PTPN3: variants seen among roughly 807,000 people sequenced by gnomAD.
The protein encoded by PTPN3 is tyrosine-protein phosphatase non-receptor type 3.
Under a neutral mutation model 132.7 loss-of-function variants are expected in PTPN3, and 96 were observed. The observed-to-expected ratio is 0.72, with a 90% CI of 0.61 to 0.86. The LOEUF (loss-of-function observed/expected upper bound fraction) is 0.86, where lower values mean the gene tolerates loss of function less well. PTPN3 is among the 40% of genes least tolerant of loss of function. The probability of loss-of-function intolerance (pLI) is 0.00; values close to 1 mark genes in which losing one functional copy is unlikely to be tolerated. For synonymous variants in PTPN3, 398 were observed against 429.0 expected, an observed-to-expected ratio of 0.93 and a Z score of 0.89; for missense variants, 1,125 against 1,159.6, an observed-to-expected ratio of 0.97 and a Z score of 0.43.
At chr9:109,390,342 C>T (rs960791310) in intron 21 of PTPN3, among the ~76,000 whole-genome samples, 8 of 152,176 alleles carry the variant, frequency 5.3e-5, no homozygotes, top group Non-Finnish European at 1.2e-4. Context: ...CACGTATCGC[C>T]TGAAGGCCAA....
upstream of PTPN3, among the ~76,000 whole-genome samples, chr9:109,501,627 C>G (rs1376282389): frequency 1.3e-5 from 2 of 152,134 alleles, no homozygotes; most frequent in African/African-American, 4.8e-5. Context: ...GCTCCCAAAC[C>G]TTACGTAAAT....
intron 25 of PTPN3, 51 bp from the exon 26 acceptor site, chr9:109,379,684 C>T: frequency 1.4e-6 from 2 of 1,448,248 alleles, no homozygotes. Flanking sequence ...GAAATGCTGC[C>T]TACCACACCC....
intron 1 of PTPN3, among the ~76,000 whole-genome samples, chr9:109,486,180 G>A (rs1847197225): frequency 6.6e-6 from 1 of 152,180 alleles, no homozygotes; most frequent in Admixed American, 6.5e-5. Context: ...ACAGGACCCA[G>A]CCCAAACCTG....
the PTPN3 span, among the ~76,000 whole-genome samples, chr9:109,536,396 C>T: frequency 0.33 from 50,559 of 152,140 alleles, 9,106 homozygotes; most frequent in Middle Eastern, 0.45. Context: ...ACAGTAATTC[C>T]GTTTCACATT....
At chr9:109,460,511 G>A (rs2132039574) in intron 2 of PTPN3, among the ~76,000 whole-genome samples, 1 of 151,762 alleles carries the variant, frequency 6.6e-6, no homozygotes, top group South Asian at 2.1e-4. Flanking sequence ...TTATCTCTCT[G>A]AGCTTATCTT....
At chr9:109,492,756 G>C (rs1847519316) in intron 1 of PTPN3, among the ~76,000 whole-genome samples, 1 of 152,194 alleles carries the variant, frequency 6.6e-6, no homozygotes, top group Non-Finnish European at 1.5e-5. Flanking sequence ...TGCTAAAACT[G>C]CCTGTTATAA....
chr9:109,433,273 G>A (rs1383066159), intron 9 of PTPN3, 112 bp from the exon 10 acceptor site: 1 of 1,424,606 alleles, frequency 7.0e-7, no homozygotes, highest in Non-Finnish European at 9.2e-7. Flanking sequence ...GGCTCCAAAT[G>A]GGAAAATGCT....
intron 1 of PTPN3, among the ~76,000 whole-genome samples, chr9:109,492,705 C>T (rs1847516885): frequency 6.6e-6 from 1 of 152,224 alleles, no homozygotes; most frequent in Non-Finnish European, 1.5e-5. Context: ...ACTCAGGGCA[C>T]ATAACATTGC....
chr9:109,458,466 C>T (rs929563983), intron 2 of PTPN3, among the ~76,000 whole-genome samples: 6 of 152,082 alleles, frequency 3.9e-5, no homozygotes, highest in South Asian at 2.1e-4. Flanking sequence ...AGAAATAGAC[C>T]GTGTATAGAA....
chr9:109,434,482 T>C (rs138637631), intron 9 of PTPN3, among the ~76,000 whole-genome samples: 1,927 of 152,020 alleles, frequency 0.013, 14 homozygotes, highest in Non-Finnish European at 0.019. Flanking sequence ...TAATTTTTCA[T>C]ATTTTTGTAG....
At chr9:109,461,784 C>A (rs1845854028) in intron 2 of PTPN3, among the ~76,000 whole-genome samples, 3 of 151,758 alleles carry the variant, frequency 2.0e-5, no homozygotes, top group Admixed American at 2.0e-4. Context: ...ATTAGTTATT[C>A]AGGTATATTT....
At position 109,445,310 on chromosome 9, in the gene PTPN3, T is replaced by A; in HGVS notation, c.414-18A>T. 6.2e-7 allele frequency: 1 copy of A among 1,608,354 alleles called. No individual in the cohort carries two copies. Among genetic ancestry groups the A allele is most frequent in the Non-Finnish European group, 8.5e-7 (1 of 1,174,806 alleles). On this transcript the variant is annotated intron_variant, in intron 6 of 25. Transcript: ENST00000374541. ...AGGTTAACCTGTCAGGAGAAAAACA[T>A]ATTAGCAAAGTCACAAGAACCAACA...
At chr9:109,426,194 C>T (rs2418006) in intron 12 of PTPN3, among the ~76,000 whole-genome samples, 127,514 of 149,788 alleles carry the variant, frequency 0.85, 54,621 homozygotes, top group African/African-American at 0.95. Context: ...AATGTATATA[C>T]GAATTATATA....
intron 1 of PTPN3, among the ~76,000 whole-genome samples, chr9:109,484,849 C>G (rs1231673349): frequency 6.6e-6 from 1 of 152,204 alleles, no homozygotes. Context: ...TCTATGACCC[C>G]CCATCCTGCG....
intron 25 of PTPN3, 87 bp from the exon 26 acceptor site, chr9:109,379,720 T>A: frequency 8.8e-7 from 1 of 1,140,026 alleles, no homozygotes; most frequent in East Asian, 2.4e-5. Flanking sequence ...TTTGCAGCAT[T>A]TGTAAATATT....
chr9:109,421,319 C>G (rs1235316887), intron 13 of PTPN3, among the ~76,000 whole-genome samples: 8 of 152,260 alleles, frequency 5.3e-5, no homozygotes, highest in Admixed American at 5.2e-4. Flanking sequence ...GCGGGGGATC[C>G]CAAGCTGCCA....
chr9:109,518,202 T>C, the PTPN3 span, among the ~76,000 whole-genome samples: 1 of 152,218 alleles, frequency 6.6e-6, no homozygotes, highest in East Asian at 1.9e-4. Flanking sequence ...AAACATTGAC[T>C]GGAAAGAGTC....
At chr9:109,439,861 A>G (rs1385976029) in intron 7 of PTPN3, among the ~76,000 whole-genome samples, 1 of 151,904 alleles carries the variant, frequency 6.6e-6, no homozygotes, top group African/African-American at 2.4e-5. Flanking sequence ...GTGAACCGAG[A>G]CTGAGCCACT....
the PTPN3 span, among the ~76,000 whole-genome samples, chr9:109,522,702 CAT>C: frequency 2.0e-5 from 3 of 152,126 alleles, no homozygotes; most frequent in African/African-American, 7.2e-5. Flanking sequence ...GAATGCCACT[CAT>C]AGGAAACCAT....
Sources: gnomAD v4.1 joint callset for allele counts (sites outside exome capture counted in the v4.1 genomes callset) on GRCh38, gnomAD v4.1.1 for gene constraint, MANE v1.5 for transcripts, NCBI Gene and HGNC (gene_info 2026-07-23, HGNC 2026-07-21) for gene names.